SLC24A4: variants seen among roughly 807,000 people sequenced by gnomAD.
SLC24A4 encodes sodium/potassium/calcium exchanger 4.
A neutral mutation model predicts 79.0 loss-of-function variants in SLC24A4; 53 were observed. The observed-to-expected ratio is 0.67, with a 90% CI of 0.54 to 0.84. SLC24A4 has a LOEUF of 0.84. SLC24A4 is among the 40% of genes least tolerant of loss of function. The pLI, the probability that SLC24A4 is intolerant of heterozygous loss-of-function variation, is 0.00. For synonymous variants in SLC24A4, 323 were observed against 323.8 expected, an observed-to-expected ratio of 1.00 and a Z score of 0.03; for missense variants, 731 against 822.0, an observed-to-expected ratio of 0.89 and a Z score of 1.35.
rs1431287485 is a variant in SLC24A4, at chr14:92,484,635, GCACTCA to G, written c.1422+1794_1422+1799del. The stretch of plus-strand genomic sequence containing the variant: ...ACCCCAGCATCTGCCCCAGCCCCAG[GCACTCA>G]CACTTGGAACACCCTGGCCTTGGTT... On this transcript the variant is annotated intron_variant, in intron 13 of 16. Transcript: ENST00000532405. 3.5e-5 allele frequency: 34 copies of G among 985,382 alleles called. No individual in the cohort carries two copies. In the South Asian group the frequency reaches 1.6e-3, roughly 45 times the overall value. 61.0% of individuals were successfully genotyped at this position (985,382 alleles called of 1,614,324 possible).
intron 11 of SLC24A4, among the ~76,000 whole-genome samples, 173 bp downstream of exon 11, chr14:92,454,242 A>G (rs1426345966): frequency 1.3e-5 from 2 of 152,246 alleles, no homozygotes; most frequent in African/African-American, 4.8e-5. Context: ...TTGAAGAGAT[A>G]TTTTAAAGCC....
rs540641947 is a variant in SLC24A4, at chr14:92,359,513, C to T, written c.241+33535C>T. 2.4e-4 allele frequency among the ~76,000 whole-genome samples: 37 copies of T among 152,068 alleles called. No individual in the cohort carries two copies. The South Asian group carries it at 6.0e-3, about 25-fold the overall frequency. On this transcript the variant is annotated intron_variant, in intron 2 of 16. Coordinates refer to ENST00000532405, the MANE Select transcript of SLC24A4 (RefSeq NM_153646.4). ...ACTCGGGAGGCTGAGGCAGGAGAAT[C>T]GCGTGAACCTGGGAGGCGGAGGTTA...
intron 2 of SLC24A4, among the ~76,000 whole-genome samples, chr14:92,373,211 C>CATT (rs1555363201): frequency 3.3e-5 from 5 of 149,308 alleles, no homozygotes; most frequent in African/African-American, 5.0e-5. Context: ...CACACACACA[C>CATT]ATATATATAT....
At chr14:92,459,396 C>G (rs1893665372) in intron 12 of SLC24A4, among the ~76,000 whole-genome samples, 1 of 152,154 alleles carries the variant, frequency 6.6e-6, no homozygotes, top group Non-Finnish European at 1.5e-5. Flanking sequence ...GCTCCTGGGT[C>G]CAGGTTCTCT....
At chr14:92,328,387 C>T (rs1885272590) in intron 2 of SLC24A4, among the ~76,000 whole-genome samples, 2 of 152,210 alleles carry the variant, frequency 1.3e-5, no homozygotes, top group South Asian at 4.1e-4. Context: ...TTGAGGGACT[C>T]CAGCGGCTCC....
chr14:92,356,065 G>A (rs1887165468), intron 2 of SLC24A4, among the ~76,000 whole-genome samples: 1 of 152,166 alleles, frequency 6.6e-6, no homozygotes. Context: ...TTCACTTTCA[G>A]TATAGTATTA....
intron 2 of SLC24A4, among the ~76,000 whole-genome samples, chr14:92,368,977 C>T (rs978838687): frequency 4.6e-5 from 7 of 152,178 alleles, no homozygotes; most frequent in African/African-American, 1.4e-4. Context: ...GACCCATATA[C>T]AAGGAGACCA....
chr14:92,372,869 C>CTTCCTTCT (rs1186162373), intron 2 of SLC24A4, among the ~76,000 whole-genome samples: 1 of 87,244 alleles, frequency 1.1e-5, no homozygotes, highest in African/African-American at 4.5e-5. Flanking sequence ...GTCACTGTCC[C>CTTCCTTCT]TTCCTTCCTT....
At chr14:92,443,366 C>G in intron 6 of SLC24A4, 34 bp from the exon 7 acceptor site, 1 of 1,611,938 alleles carries the variant, frequency 6.2e-7, no homozygotes, top group Non-Finnish European at 8.5e-7. Flanking sequence ...CGCTTCTGCG[C>G]TCATAGCAGC....
intron 2 of SLC24A4, among the ~76,000 whole-genome samples, chr14:92,403,477 A>G (rs1890217029): frequency 1.3e-5 from 2 of 151,998 alleles, no homozygotes; most frequent in African/African-American, 4.8e-5. Flanking sequence ...GCATGGTGGC[A>G]GGCACCTGTA....
intron 2 of SLC24A4, among the ~76,000 whole-genome samples, chr14:92,427,435 A>G (rs1451661639): frequency 1.3e-5 from 2 of 152,278 alleles, no homozygotes; most frequent in African/African-American, 4.8e-5. Flanking sequence ...GAAGGCCAAA[A>G]TGCAGTCTTT....
chr14:92,393,940 G>C (rs969655718), intron 2 of SLC24A4, among the ~76,000 whole-genome samples: 1 of 151,982 alleles, frequency 6.6e-6, no homozygotes, highest in African/African-American at 2.4e-5. Flanking sequence ...GAACCCAGGA[G>C]GTGGAGGTTG....
chr14:92,492,264 A>G, intron 16 of SLC24A4, 24 bp downstream of exon 16: 1 of 1,609,368 alleles, frequency 6.2e-7, no homozygotes, highest in South Asian at 1.1e-5. Flanking sequence ...ATTCCAAAAC[A>G]GATGCCTCAT....
At chr14:92,373,079 T>C (rs1566722236) in intron 2 of SLC24A4, among the ~76,000 whole-genome samples, 1 of 149,434 alleles carries the variant, frequency 6.7e-6, no homozygotes, top group African/African-American at 2.5e-5. Flanking sequence ...CTTGGCTCAC[T>C]GCAACCTCCA....
chr14:92,409,878 A>G lies in SLC24A4; in HGVS notation c.242-24034A>G, dbSNP rs115808770. On this transcript the variant is annotated intron_variant, in intron 2 of 16. Transcript: ENST00000532405. ...GCCATGTCTATGAAAAAATAAAGAG[A>G]TCATGTCTTTTGTGGGAACATGGAT... 7.2e-3 allele frequency among the ~76,000 whole-genome samples: 1,097 copies of G among 152,300 alleles called. 15 individuals carry two copies. The highest frequency in any genetic ancestry group is 0.025 in the African/African-American group (1,043 of 41,552).
intron 12 of SLC24A4, among the ~76,000 whole-genome samples, chr14:92,464,135 A>G (rs1893967731): frequency 6.6e-6 from 1 of 152,264 alleles, no homozygotes; most frequent in South Asian, 2.1e-4. Context: ...AAGAAAACTC[A>G]GTATTTTTTA....
intron 2 of SLC24A4, among the ~76,000 whole-genome samples, chr14:92,358,985 C>T (rs919724738): frequency 2.6e-5 from 4 of 152,046 alleles, no homozygotes; most frequent in Non-Finnish European, 2.9e-5. Flanking sequence ...CACGCCCGGC[C>T]AAATCTACTC....
chr14:92,463,225 T>C (rs1000714844), intron 12 of SLC24A4, among the ~76,000 whole-genome samples: 4 of 152,188 alleles, frequency 2.6e-5, no homozygotes, highest in East Asian at 1.9e-4. Context: ...TAAATAGCTC[T>C]TGAGAGGGCT....
At chr14:92,416,154 G>A (rs1017091228) in intron 2 of SLC24A4, among the ~76,000 whole-genome samples, 23 of 142,558 alleles carry the variant, frequency 1.6e-4, no homozygotes, top group Admixed American at 9.9e-4. Flanking sequence ...TGTGTGTGTC[G>A]GCCAGTGACT....
Sources: gnomAD v4.1 joint callset for allele counts (sites outside exome capture counted in the v4.1 genomes callset) on GRCh38, gnomAD v4.1.1 for gene constraint, MANE v1.5 for transcripts, NCBI Gene and HGNC (gene_info 2026-07-23, HGNC 2026-07-21) for gene names.